Variants in CNBD1 observed in about 807,000 individuals in gnomAD.
CNBD1 encodes cyclic nucleotide binding domain containing 1, also known as cyclic nucleotide-binding domain-containing protein 1.
Under a neutral mutation model 54.4 loss-of-function variants are expected in CNBD1, and 71 were observed. That is an observed-to-expected ratio of 1.30 (90% CI 1.08 to 1.59). The LOEUF (loss-of-function observed/expected upper bound fraction) is 1.59. CNBD1 is among the 40% of genes most tolerant of loss of function. The pLI is 0.00. For missense variants in CNBD1, 659 were observed against 518.0 expected (o/e 1.27, Z -2.64); for synonymous variants, 182 against 170.7 (o/e 1.07, Z -0.51).
Position 86,939,755 on chromosome 8 carries a change from G to T in CNBD1, c.431+1G>T, listed in dbSNP as rs575640385. 75 of 1,510,006 alleles carry T rather than the reference G, an allele frequency of 5.0e-5. No individual in the cohort carries two copies. In the East Asian group the frequency reaches 1.3e-3, roughly 27 times the overall value. The allele number at this position is 1,510,006 out of a possible 1,614,324, so 93.5% of individuals were successfully genotyped here. A position where few individuals can be genotyped will look rare whatever the true frequency, so the allele number is the denominator to read the frequency against. On this transcript the variant is annotated splice_donor_variant, in intron 4 of 10. Transcript: ENST00000518476. LOFTEE classifies it high-confidence loss of function. Reference sequence around the variant, plus strand: ...AATTCCTAGCTATCTTAAAGAAATTGTAAGTATTTAAAATATATTCCTTCT... The same window carrying T: ...AATTCCTAGCTATCTTAAAGAAATTTTAAGTATTTAAAATATATTCCTTCT...
At chr8:86,867,823 T>C (rs1199407847) in intron 1 of CNBD1, among the ~76,000 whole-genome samples, 1 of 152,212 alleles carries the variant, frequency 6.6e-6, no homozygotes, top group East Asian at 1.9e-4. Flanking sequence ...GAGATGAGAT[T>C]TGTGCTACCC....
chr8:87,275,122 C>A (rs527467561), intron 6 of CNBD1, among the ~76,000 whole-genome samples: 1 of 137,840 alleles, frequency 7.3e-6, no homozygotes, highest in Non-Finnish European at 1.6e-5. Flanking sequence ...TGTTCTGTTC[C>A]ATTGATCTGT....
At chr8:87,393,539 C>T (rs1400561154) in intron 2 of CNBD1, among the ~76,000 whole-genome samples, 1 of 151,770 alleles carries the variant, frequency 6.6e-6, no homozygotes, top group Non-Finnish European at 1.5e-5. Flanking sequence ...GAACTATAAA[C>T]CATGGTTTCT....
intron 8 of CNBD1, among the ~76,000 whole-genome samples, chr8:87,309,346 A>G (rs960418247): frequency 2.6e-5 from 4 of 152,100 alleles, no homozygotes; most frequent in African/African-American, 9.7e-5. Flanking sequence ...CTGTATCCCC[A>G]GTTATACCTG....
At chr8:86,955,013 G>C (rs1053810543) in intron 4 of CNBD1, among the ~76,000 whole-genome samples, 1 of 131,568 alleles carries the variant, frequency 7.6e-6, no homozygotes, top group Non-Finnish European at 1.5e-5. Flanking sequence ...GCCCCAGTGT[G>C]TGATGTTCCC....
intron 8 of CNBD1, 123 bp from the exon 9 acceptor site, chr8:87,351,562 T>G (rs1810292814): frequency 4.5e-6 from 4 of 881,512 alleles, no homozygotes; most frequent in Non-Finnish European, 6.4e-6. Flanking sequence ...TAAACTGGAA[T>G]CTATTAAGAA....
intron 2 of CNBD1, among the ~76,000 whole-genome samples, chr8:87,424,739 T>C (rs955810964): frequency 1.3e-5 from 2 of 152,208 alleles, no homozygotes; most frequent in African/African-American, 4.8e-5. Context: ...CCTTTCTCTC[T>C]GGCTGCCCTT....
intron 4 of CNBD1, among the ~76,000 whole-genome samples, chr8:87,021,608 A>G (rs927586791): frequency 1.4e-4 from 21 of 152,218 alleles, no homozygotes; most frequent in Admixed American, 3.3e-4. Flanking sequence ...CACATTTCAC[A>G]ATACCTGGAG....
At chr8:86,986,286 T>C (rs1808605623) in intron 4 of CNBD1, among the ~76,000 whole-genome samples, 1 of 152,184 alleles carries the variant, frequency 6.6e-6, no homozygotes, top group Admixed American at 6.5e-5. Flanking sequence ...CAGTTTTATA[T>C]GTTTATTGGC....
chr8:87,208,979 C>T (rs1243359191), intron 5 of CNBD1, among the ~76,000 whole-genome samples: 1 of 151,936 alleles, frequency 6.6e-6, no homozygotes, highest in African/African-American at 2.4e-5. Flanking sequence ...TATTTAACAA[C>T]TAAAAATATG....
At chr8:87,117,474 A>T (rs1023494552) in intron 4 of CNBD1, among the ~76,000 whole-genome samples, 1 of 146,758 alleles carries the variant, frequency 6.8e-6, no homozygotes, top group African/African-American at 2.4e-5. Flanking sequence ...ATGATGAGAG[A>T]CACTTACTAG....
intron 5 of CNBD1, among the ~76,000 whole-genome samples, chr8:87,215,174 A>G (rs976189954): frequency 2.0e-5 from 3 of 152,184 alleles, no homozygotes; most frequent in African/African-American, 7.2e-5. Flanking sequence ...CTACTAATAC[A>G]TGCCAAAACT....
intron 4 of CNBD1, among the ~76,000 whole-genome samples, chr8:86,940,069 G>A (rs914030912): frequency 5.3e-5 from 8 of 151,066 alleles, no homozygotes; most frequent in South Asian, 4.2e-4. Flanking sequence ...TTGGGTTATC[G>A]GAAGGCTCTT....
intron 4 of CNBD1, among the ~76,000 whole-genome samples, chr8:87,123,552 C>G (rs1197874525): frequency 6.6e-6 from 1 of 151,446 alleles, no homozygotes; most frequent in Non-Finnish European, 1.5e-5. Flanking sequence ...GCATTTAATG[C>G]TTATATCAAA....
At chr8:87,415,200 G>T (rs1045368794) in intron 2 of CNBD1, among the ~76,000 whole-genome samples, 5 of 152,020 alleles carry the variant, frequency 3.3e-5, no homozygotes, top group Non-Finnish European at 5.9e-5. Flanking sequence ...TGTAGTCGTT[G>T]TTCTCTCCAG....
At chr8:87,036,690 A>G (rs974799130) in intron 4 of CNBD1, among the ~76,000 whole-genome samples, 35 of 151,672 alleles carry the variant, frequency 2.3e-4, no homozygotes, top group African/African-American at 8.0e-4. Context: ...CCTGGAGATA[A>G]TAAGTACTTT....
intron 3 of CNBD1, among the ~76,000 whole-genome samples, chr8:86,924,653 G>A (rs1045257495): frequency 1.3e-5 from 2 of 152,090 alleles, no homozygotes; most frequent in South Asian, 4.1e-4. Context: ...ATTATAAATA[G>A]AAGGAATTTA....
intron 4 of CNBD1, among the ~76,000 whole-genome samples, chr8:87,071,909 G>A (rs776314073): frequency 3.9e-5 from 6 of 152,052 alleles, no homozygotes; most frequent in Non-Finnish European, 8.8e-5. Flanking sequence ...TGTCAGTGGG[G>A]TATTAAAATC....
intron 1 of CNBD1, among the ~76,000 whole-genome samples, chr8:86,868,630 G>A (rs1359240166): frequency 3.3e-5 from 5 of 152,016 alleles, no homozygotes; most frequent in Non-Finnish European, 7.4e-5. Flanking sequence ...CCACGCCCCG[G>A]CTGTCTGTAT....
Sources: gnomAD v4.1 joint callset for allele counts (sites outside exome capture counted in the v4.1 genomes callset) on GRCh38, gnomAD v4.1.1 for gene constraint, MANE v1.5 for transcripts, NCBI Gene and HGNC (gene_info 2026-07-23, HGNC 2026-07-21) for gene names.